Variants in TRAPPC9 observed in about 807,000 individuals in gnomAD.
TRAPPC9 encodes the protein IKK2 binding protein.
In TRAPPC9, 83 loss-of-function variants were observed where a neutral mutation model predicts 124.0. That is an observed-to-expected ratio of 0.67 (90% CI 0.56 to 0.80). TRAPPC9 has a LOEUF of 0.80. TRAPPC9 is among the 30% of genes least tolerant of loss of function. The pLI is 0.00. For missense variants in TRAPPC9, 1,302 were observed against 1,508.3 expected, an observed-to-expected ratio of 0.86 and a Z score of 2.27; for synonymous variants, 638 against 617.5, an observed-to-expected ratio of 1.03 and a Z score of -0.49.
chr8:140,359,327 G>T (rs1465914122), intron 9 of TRAPPC9, among the ~76,000 whole-genome samples: 4 of 152,186 alleles, frequency 2.6e-5, no homozygotes, highest in Admixed American at 1.3e-4. Context: ...AGGGCCAGGG[G>T]TACAAGGAGG....
At chr8:139,917,315 G>A (rs1023047447) in intron 19 of TRAPPC9, among the ~76,000 whole-genome samples, 53 of 151,546 alleles carry the variant, frequency 3.5e-4, no homozygotes, top group African/African-American at 1.2e-3. Context: ...CAAGTAGCTG[G>A]GACTACACGC....
intron 18 of TRAPPC9, among the ~76,000 whole-genome samples, 166 bp from the exon 19 acceptor site, chr8:139,989,002 G>A (rs750106355): frequency 1.3e-5 from 2 of 152,190 alleles, no homozygotes; most frequent in Non-Finnish European, 2.9e-5. Flanking sequence ...TTCTGAACAC[G>A]AGTGTGAACT....
intron 19 of TRAPPC9, among the ~76,000 whole-genome samples, chr8:139,961,766 T>C (rs1055900740): frequency 8.1e-6 from 1 of 123,834 alleles, no homozygotes; most frequent in African/African-American, 2.5e-5. Context: ...GTGCTGCCTC[T>C]TCTGGACCCA....
At chr8:140,262,005 G>A (rs574657976) in intron 15 of TRAPPC9, among the ~76,000 whole-genome samples, 7 of 152,264 alleles carry the variant, frequency 4.6e-5, no homozygotes, top group Non-Finnish European at 1.0e-4. Context: ...CAGGTACTAA[G>A]ACCTGTACGT....
intron 21 of TRAPPC9, among the ~76,000 whole-genome samples, chr8:139,827,172 G>A (rs1365327412): frequency 2.6e-5 from 4 of 152,208 alleles, no homozygotes; most frequent in South Asian, 2.1e-4. Context: ...GCTAGAGCCC[G>A]GGAAGCGCCT....
At chr8:140,093,395 C>T (rs1310979378) in intron 17 of TRAPPC9, among the ~76,000 whole-genome samples, 2 of 152,104 alleles carry the variant, frequency 1.3e-5, no homozygotes, top group Non-Finnish European at 2.9e-5. Context: ...AGGCCAGTTG[C>T]GGTGGCTCAC....
intron 9 of TRAPPC9, among the ~76,000 whole-genome samples, chr8:140,329,165 G>C (rs1489868085): frequency 1.3e-5 from 2 of 152,144 alleles, no homozygotes; most frequent in African/African-American, 4.8e-5. Flanking sequence ...TGACATCCTG[G>C]GGAACACAGA....
chr8:140,361,502 AG>A (rs907697775), intron 8 of TRAPPC9, among the ~76,000 whole-genome samples: 11 of 152,270 alleles, frequency 7.2e-5, no homozygotes, highest in Non-Finnish European at 1.3e-4. Context: ...ATAAGGCTTC[AG>A]TGCAATAACC....
chr8:140,458,207 G>C (rs2071772037), upstream of TRAPPC9: 1 of 1,550,260 alleles, frequency 6.5e-7, no homozygotes, highest in East Asian at 2.4e-5. Flanking sequence ...CAAGAGAACA[G>C]AGACTAGGAG....
intron 19 of TRAPPC9, among the ~76,000 whole-genome samples, chr8:139,986,981 G>A (rs1272078914): frequency 6.6e-6 from 1 of 152,220 alleles, no homozygotes; most frequent in Non-Finnish European, 1.5e-5. Flanking sequence ...TACTTTTGCA[G>A]CAACCTACAG....
intron 17 of TRAPPC9, among the ~76,000 whole-genome samples, chr8:140,042,436 G>A (rs529991194): frequency 4.6e-5 from 7 of 152,300 alleles, no homozygotes; most frequent in East Asian, 1.9e-4. Context: ...CGGAACACAC[G>A]CATGCTCCAA....
chr8:140,250,172 A>G lies in TRAPPC9; in HGVS notation c.2431+2605T>C, dbSNP rs1713874748. Among the ~76,000 whole-genome samples the G allele has an allele frequency of 2.0e-5, 3 of 152,332 alleles. No individual in the cohort carries two copies. The Middle Eastern group carries it at 0.01, about 518-fold the overall frequency. ...TCCCACTTGCGTTTATAAAATGGGA[A>G]TTACAACATTTACTTTATAGAGTTT... On this transcript the variant is annotated intron_variant, in intron 16 of 22. Transcript: ENST00000438773.
At chr8:139,747,442 G>C (rs1818974847) in intron 21 of TRAPPC9, among the ~76,000 whole-genome samples, 1 of 148,782 alleles carries the variant, frequency 6.7e-6, no homozygotes, top group Non-Finnish European at 1.5e-5. Context: ...GAGGTGTCCA[G>C]GGGTCAGAGC....
chr8:139,954,142 G>A (rs888731487), intron 19 of TRAPPC9, among the ~76,000 whole-genome samples: 3 of 152,232 alleles, frequency 2.0e-5, no homozygotes, highest in Non-Finnish European at 4.4e-5. Flanking sequence ...TGCGCCAGGG[G>A]TAGGGAGCGA....
intron 9 of TRAPPC9, among the ~76,000 whole-genome samples, chr8:140,346,022 C>T (rs955021406): frequency 2.0e-5 from 3 of 152,194 alleles, no homozygotes; most frequent in Non-Finnish European, 4.4e-5. Flanking sequence ...GGGGACAACC[C>T]AAAGGGGCTT....
chr8:140,247,732 C>G (rs988851080), intron 16 of TRAPPC9, among the ~76,000 whole-genome samples: 6 of 152,142 alleles, frequency 3.9e-5, no homozygotes, highest in Non-Finnish European at 7.3e-5. Context: ...AAGTGTGTCA[C>G]TTTCTCTTTA....
intron 17 of TRAPPC9, among the ~76,000 whole-genome samples, chr8:140,159,972 T>A (rs2061717490): frequency 6.6e-6 from 1 of 152,004 alleles, no homozygotes; most frequent in Non-Finnish European, 1.5e-5. Context: ...AACAACCCCA[T>A]CCAAAAGTGG....
intron 20 of TRAPPC9, among the ~76,000 whole-genome samples, chr8:139,893,553 C>A (rs939751175): frequency 6.6e-6 from 1 of 152,254 alleles, no homozygotes; most frequent in Non-Finnish European, 1.5e-5. Flanking sequence ...TCATGCAACT[C>A]CTCGGACCAA....
chr8:140,117,484 C>A (rs765629322), intron 17 of TRAPPC9, among the ~76,000 whole-genome samples: 1 of 152,154 alleles, frequency 6.6e-6, no homozygotes, highest in Admixed American at 6.5e-5. Context: ...GAGAAGGACA[C>A]GCTGGTTCCT....
Sources: gnomAD v4.1 joint callset for allele counts (sites outside exome capture counted in the v4.1 genomes callset) on GRCh38, gnomAD v4.1.1 for gene constraint, MANE v1.5 for transcripts, NCBI Gene and HGNC (gene_info 2026-07-23, HGNC 2026-07-21) for gene names.